Variants in RASSF3 observed in about 807,000 individuals in gnomAD.
RASSF3 encodes the protein ras association domain-containing protein 3.
In RASSF3, 19 loss-of-function variants were observed where a neutral mutation model predicts 19.9. That is an observed-to-expected ratio of 0.96 (90% CI 0.67 to 1.40). The LOEUF is 1.40. RASSF3 is among the 40% of genes most tolerant of loss of function. RASSF3 has a pLI of 0.00. For missense variants in RASSF3, 306 were observed against 289.8 expected (o/e 1.06, Z -0.41); for synonymous variants, 110 against 104.2 (o/e 1.06, Z -0.34).
At chr12:64,569,173 C>A (rs1160652837) in intron 2 of RASSF3, among the ~76,000 whole-genome samples, 3 of 152,228 alleles carry the variant, frequency 2.0e-5, no homozygotes, top group Admixed American at 6.5e-5. Context: ...CCCAGACATA[C>A]AAATGTGTGT....
intron 1 of RASSF3, among the ~76,000 whole-genome samples, chr12:64,662,221 C>G (rs1872392139): frequency 6.7e-6 from 1 of 149,782 alleles, no homozygotes; most frequent in East Asian, 2.0e-4. Context: ...GAATTTGAGA[C>G]CAGCCTGGTC....
chr12:64,609,933 A>G (rs1870274626), upstream of RASSF3, among the ~76,000 whole-genome samples: 1 of 152,196 alleles, frequency 6.6e-6, no homozygotes, highest in Non-Finnish European at 1.5e-5. Context: ...AATAAACTCA[A>G]CCCAGTTTTT....
At chr12:64,596,850 C>T (rs1325115654) in intron 2 of RASSF3, among the ~76,000 whole-genome samples, 2 of 152,166 alleles carry the variant, frequency 1.3e-5, no homozygotes, top group Non-Finnish European at 2.9e-5. Context: ...CTGCTTCAGC[C>T]TCCCAAGTAG....
intron 1 of RASSF3, among the ~76,000 whole-genome samples, chr12:64,674,422 A>G (rs938051528): frequency 6.6e-6 from 1 of 152,150 alleles, no homozygotes; most frequent in Non-Finnish European, 1.5e-5. Flanking sequence ...GGAGTGAAAG[A>G]TGTAAAAAAG....
In RASSF3 at chr12:64,686,895, A is replaced by G. The variant is rs541806181; in HGVS notation, c.220-1321A>G. On this transcript the variant is annotated intron_variant, in intron 2 of 4. Transcript: ENST00000542104. ...TGGGAAGGAAGAAAAATAACACACCATAAAGATAGTTTTAAATGTTCTACT... is the reference window on the plus strand; with the variant it reads ...TGGGAAGGAAGAAAAATAACACACCGTAAAGATAGTTTTAAATGTTCTACT... 5.3e-5 allele frequency among the ~76,000 whole-genome samples: 8 copies of G among 152,360 alleles called. No individual in the cohort carries two copies. The East Asian group carries it at 1.5e-3, about 29-fold the overall frequency.
chr12:64,630,212 C>T (rs1238048998), intron 1 of RASSF3, among the ~76,000 whole-genome samples: 2 of 151,706 alleles, frequency 1.3e-5, no homozygotes, highest in Admixed American at 6.6e-5. Flanking sequence ...TAATTTTTGT[C>T]ATCCAAAAAA....
chr12:64,587,166 T>C (rs1475542034), intron 2 of RASSF3, among the ~76,000 whole-genome samples: 6 of 148,226 alleles, frequency 4.0e-5, no homozygotes, highest in African/African-American at 1.5e-4. Flanking sequence ...GCGATTCTCC[T>C]GTCTCAGCCT....
At position 64,668,938 on chromosome 12, in the gene RASSF3, G is replaced by A. The variant is rs149254606; in HGVS notation, c.112-15849G>A. On this transcript the variant is annotated intron_variant, in intron 1 of 4. Transcript: ENST00000542104. ...CCCGCCTCGGCCTCCCAAAGTGCTGGGATTACAGGTGTGAGCTACCGCACC... is the reference window on the plus strand; with the variant it reads ...CCCGCCTCGGCCTCCCAAAGTGCTGAGATTACAGGTGTGAGCTACCGCACC... 3.0e-4 allele frequency among the ~76,000 whole-genome samples: 45 copies of A among 152,152 alleles called. No individual in the cohort carries two copies. The East Asian group carries it at 8.1e-3, about 27-fold the overall frequency.
chr12:64,582,171 T>C (rs921369683), intron 2 of RASSF3, among the ~76,000 whole-genome samples: 1 of 152,144 alleles, frequency 6.6e-6, no homozygotes, highest in African/African-American at 2.4e-5. Flanking sequence ...CATTTTTTAT[T>C]GTAGGAGACA....
intron 1 of RASSF3, among the ~76,000 whole-genome samples, chr12:64,637,401 G>A (rs1232559835): frequency 6.6e-6 from 1 of 151,650 alleles, no homozygotes; most frequent in Non-Finnish European, 1.5e-5. Flanking sequence ...AGAGATAGGT[G>A]GGTAGTATGA....
At chr12:64,693,505 A>G (rs1003292135) in intron 4 of RASSF3, among the ~76,000 whole-genome samples, 1 of 151,770 alleles carries the variant, frequency 6.6e-6, no homozygotes, top group East Asian at 1.9e-4. Context: ...TGCAGCCTCA[A>G]TCTCCCGGGC....
At chr12:64,664,168 C>A (rs984010434) in intron 1 of RASSF3, among the ~76,000 whole-genome samples, 1 of 152,072 alleles carries the variant, frequency 6.6e-6, no homozygotes, top group Admixed American at 6.6e-5. Context: ...TCATTTCATC[C>A]ACAACTTGAC....
chr12:64,561,084 G>A (rs1278351610), intron 2 of RASSF3, among the ~76,000 whole-genome samples: 1 of 152,168 alleles, frequency 6.6e-6, no homozygotes, highest in African/African-American at 2.4e-5. Context: ...TGTAGAAAGG[G>A]CGTTCTGTAA....
At chr12:64,602,351 C>T (rs1269906989) in intron 2 of RASSF3, among the ~76,000 whole-genome samples, 5 of 150,022 alleles carry the variant, frequency 3.3e-5, no homozygotes, top group South Asian at 2.1e-4. Flanking sequence ...GAGGCTGAGG[C>T]GGGTGAATCA....
chr12:64,691,493 C>G lies in RASSF3; in HGVS notation c.481C>G (p.Arg161Gly). ...AGTCTACGCCTGCAAGCTCTCAGAC[C>G]GGGAACATCCACTCTACCTGCGTTT... Reference protein sequence around the residue: ...DQVYACKLSDREHPLYLRLVA... With the variant: ...DQVYACKLSDGEHPLYLRLVA... The change falls in exon 4 of 5, where the codon CGG (arginine) becomes GGG (glycine). Residue 161 changes from arginine to glycine, a missense_variant. By Grantham distance (125) the Arg-to-Gly change is moderately radical. Transcript: ENST00000542104. 1 of 1,613,708 alleles carries G rather than the reference C, an allele frequency of 6.2e-7. No individual in the cohort carries two copies. The highest frequency in any genetic ancestry group is 8.5e-7 in the Non-Finnish European group (1 of 1,179,614).
upstream of RASSF3, among the ~76,000 whole-genome samples, chr12:64,532,917 T>C (rs1868744293): frequency 6.6e-6 from 1 of 152,126 alleles, no homozygotes; most frequent in Non-Finnish European, 1.5e-5. Flanking sequence ...ACAGAGAGGT[T>C]AAATACATTG....
At chr12:64,599,482 ACT>A (rs538645991) in intron 2 of RASSF3, among the ~76,000 whole-genome samples, 87 of 152,246 alleles carry the variant, frequency 5.7e-4, no homozygotes, top group African/African-American at 1.9e-3. Context: ...ACACAAAGAC[ACT>A]CTCTAATAAC....
At position 64,564,499 on chromosome 12, in the gene RASSF3, C is replaced by T. The variant is rs1203168927; in HGVS notation, c.294+22794C>T. Among the ~76,000 whole-genome samples, 5 of 152,016 alleles carry T rather than the reference C, an allele frequency of 3.3e-5. No individual in the cohort carries two copies. The East Asian group carries it at 9.7e-4, about 30-fold the overall frequency. On this transcript the variant is annotated intron_variant, in intron 2 of 5. Transcript: ENST00000637125. ...CCAGGTTCAAGCTATTCTCCTGCCTCAGCCTTCCAAGTAGCTGGGATTACA... is the reference window on the plus strand; with the variant it reads ...CCAGGTTCAAGCTATTCTCCTGCCTTAGCCTTCCAAGTAGCTGGGATTACA...
intron 2 of RASSF3, among the ~76,000 whole-genome samples, chr12:64,594,644 G>T (rs188970841): frequency 6.6e-6 from 1 of 152,206 alleles, no homozygotes; most frequent in East Asian, 1.9e-4. Flanking sequence ...TGCCACTTTG[G>T]TATAGCGATT....
Sources: gnomAD v4.1 joint callset for allele counts (sites outside exome capture counted in the v4.1 genomes callset) on GRCh38, gnomAD v4.1.1 for gene constraint, MANE v1.5 for transcripts, NCBI Gene and HGNC (gene_info 2026-07-23, HGNC 2026-07-21) for gene names.